RTL4: variants seen among roughly 807,000 people sequenced by gnomAD.
The protein encoded by RTL4 is retrotransposon Gag like 4.
In RTL4, 4 loss-of-function variants were observed where a neutral mutation model predicts 5.3. The observed-to-expected ratio is 0.75, with a 90% CI of 0.37 to 1.72. The LOEUF (loss-of-function observed/expected upper bound fraction) is 1.72, where lower values mean the gene tolerates loss of function less well. RTL4 is among the 40% of genes most tolerant of loss of function. The pLI is 0.04. For missense variants in RTL4, 260 were observed against 227.1 expected (o/e 1.14, Z -0.93); for synonymous variants, 98 against 87.3 (o/e 1.12, Z -0.68).
chrX:112,291,367 T>TACACACACACACACAC, the RTL4 span, among the ~76,000 whole-genome samples: 8 of 95,389 alleles, frequency 8.4e-5, no homozygotes, highest in Non-Finnish European at 1.5e-4. Flanking sequence ...TGTATGTTTG[T>TACACACACACACACAC]ACACACACAC....
At chrX:112,218,099 G>A in the RTL4 span, among the ~76,000 whole-genome samples, 1 of 111,821 alleles carries the variant, frequency 8.9e-6, no homozygotes, top group Admixed American at 9.5e-5. Flanking sequence ...AACGGAAGTA[G>A]GGAATATTAA....
chrX:112,445,693 A>G, the RTL4 span, among the ~76,000 whole-genome samples: 1 of 111,769 alleles, frequency 8.9e-6, no homozygotes, highest in Non-Finnish European at 1.9e-5. Flanking sequence ...AGGAGTTTCC[A>G]TATGTTGCTT....
chrX:112,229,911 C>T, the RTL4 span, among the ~76,000 whole-genome samples: 370 of 111,888 alleles, frequency 3.3e-3, 1 homozygote, highest in African/African-American at 0.011. Flanking sequence ...GAGGAGTACC[C>T]GGCCGTGTGA....
At chrX:112,215,120 T>G in the RTL4 span, among the ~76,000 whole-genome samples, 1 of 111,711 alleles carries the variant, frequency 9.0e-6, no homozygotes, top group Middle Eastern at 4.6e-3. Flanking sequence ...ATTTATTTAT[T>G]TATTTTTATA....
chrX:112,325,125 A>G, the RTL4 span, among the ~76,000 whole-genome samples: 3 of 111,549 alleles, frequency 2.7e-5, no homozygotes, highest in East Asian at 5.7e-4. Context: ...GAGAACTACA[A>G]ACCGCTGCTC....
At chrX:112,205,815 G>A in the RTL4 span, among the ~76,000 whole-genome samples, 2 of 112,081 alleles carry the variant, frequency 1.8e-5, no homozygotes, top group East Asian at 5.6e-4. Context: ...AGGGGAAACA[G>A]CCAAGTCAAT....
chrX:112,327,935 A>C, the RTL4 span, among the ~76,000 whole-genome samples: 4 of 108,995 alleles, frequency 3.7e-5, no homozygotes, highest in African/African-American at 1.0e-4. Flanking sequence ...GAAATAAAAT[A>C]CTTTACAGAC....
the RTL4 span, among the ~76,000 whole-genome samples, chrX:112,291,108 G>T: frequency 1.8e-5 from 2 of 111,073 alleles, no homozygotes; most frequent in Admixed American, 1.9e-4. Flanking sequence ...GCTCTGAGTA[G>T]GTTATTGCCT....
chrX:112,185,748 T>A, the RTL4 span, among the ~76,000 whole-genome samples: 2 of 109,759 alleles, frequency 1.8e-5, no homozygotes, highest in Non-Finnish European at 3.8e-5. Flanking sequence ...AGTTGCTTAA[T>A]CTTTCTGTGT....
At chrX:112,260,039 C>G in the RTL4 span, among the ~76,000 whole-genome samples, 1 of 111,596 alleles carries the variant, frequency 9.0e-6, no homozygotes, top group Non-Finnish European at 1.9e-5. Context: ...TTGGTCCTGA[C>G]GAGGCCAATC....
chrX:112,418,301 T>C, the RTL4 span, among the ~76,000 whole-genome samples: 1 of 111,869 alleles, frequency 8.9e-6, no homozygotes, highest in Middle Eastern at 4.6e-3. Context: ...GCATCGGACA[T>C]AGATTTAGGG....
the RTL4 span, among the ~76,000 whole-genome samples, chrX:112,248,549 C>T: frequency 8.9e-5 from 10 of 112,319 alleles, no homozygotes. Context: ...AGAAGAGTGC[C>T]TATTTTGAAT....
At chrX:112,351,731 T>G in the RTL4 span, among the ~76,000 whole-genome samples, 1 of 110,861 alleles carries the variant, frequency 9.0e-6, no homozygotes, top group Non-Finnish European at 1.9e-5. Context: ...TAGATCTTCC[T>G]CCATCCCTTT....
the RTL4 span, among the ~76,000 whole-genome samples, chrX:112,281,707 C>T: frequency 5.4e-5 from 6 of 111,225 alleles, no homozygotes; most frequent in African/African-American, 1.6e-4. Flanking sequence ...GGTGCTATCT[C>T]ATTGTGATTT....
At chrX:112,314,225 C>G in the RTL4 span, among the ~76,000 whole-genome samples, 1 of 111,697 alleles carries the variant, frequency 9.0e-6, no homozygotes, top group Non-Finnish European at 1.9e-5. Flanking sequence ...TAAAACCCAC[C>G]GTTCAGCACA....
chrX:112,456,628 G>A (rs955887541), exon 1 of RTL4: 29 of 263,744 alleles, frequency 1.1e-4, no homozygotes, highest in African/African-American at 7.3e-4. Context: ...AATCTCCACT[G>A]AAGACTGACA....
chrX:112,172,416 G>A, the RTL4 span, among the ~76,000 whole-genome samples: 15 of 111,866 alleles, frequency 1.3e-4, no homozygotes, highest in African/African-American at 4.9e-4. Flanking sequence ...CAATATTGCT[G>A]ATTATTAGAG....
At chrX:112,193,523 A>T in the RTL4 span, among the ~76,000 whole-genome samples, 1 of 111,459 alleles carries the variant, frequency 9.0e-6, no homozygotes, top group Non-Finnish European at 1.9e-5. Context: ...TCAACAGTTT[A>T]TTATAAAGTA....
the RTL4 span, among the ~76,000 whole-genome samples, chrX:112,427,065 G>T: frequency 1.8e-5 from 2 of 111,028 alleles, no homozygotes; most frequent in Non-Finnish European, 3.8e-5. Flanking sequence ...ATATAAGCAA[G>T]GGAAATACTT....
Sources: gnomAD v4.1 joint callset for allele counts (sites outside exome capture counted in the v4.1 genomes callset) on GRCh38, gnomAD v4.1.1 for gene constraint, MANE v1.5 for transcripts, NCBI Gene and HGNC (gene_info 2026-07-23, HGNC 2026-07-21) for gene names.